The following SMTN variants were observed in gnomAD, a reference collection of about 807,000 sequenced individuals.
The protein encoded by SMTN is smoothelin.
SMTN carries 58 observed loss-of-function variants against 102.0 expected under a neutral mutation model. The ratio of observed to expected loss-of-function variants is 0.57; its 90% CI spans 0.46 to 0.71. The LOEUF is 0.71. Ranked by LOEUF, SMTN falls within the 30% of genes least tolerant of loss-of-function variation. SMTN has a pLI of 0.00. For missense variants in SMTN, 1,185 were observed against 1,241.7 expected, an observed-to-expected ratio of 0.95 and a Z score of 0.69; for synonymous variants, 478 against 497.9, an observed-to-expected ratio of 0.96 and a Z score of 0.53.
intron 1 of SMTN, chr22:31,064,382 G>A (rs755749227): frequency 1.3e-5 from 2 of 152,182 alleles, no homozygotes; most frequent in African/African-American, 4.8e-5. Context: ...CATCTGGAAC[G>A]TACAGAGATT....
chr22:31,091,648 C>T (rs1196137062), intron 10 of SMTN, 27 bp from the exon 11 acceptor site: 2 of 1,563,052 alleles, frequency 1.3e-6, no homozygotes, highest in African/African-American at 2.7e-5. Context: ...CCTGATCCTC[C>T]TGACAGCCAC....
At position 31,104,328 on chromosome 22, in the gene SMTN, C is replaced by T; in HGVS notation, c.*33C>T. 1 of 1,614,188 alleles carries T rather than the reference C, an allele frequency of 6.2e-7. No individual in the cohort carries two copies. The highest frequency in any genetic ancestry group is 2.2e-5 in the East Asian group (1 of 44,880). On this transcript the variant is annotated 3_prime_UTR_variant, in exon 21 of 21. Transcript: ENST00000333137. ...CCCCTCCCTGCAGGATGCTGGTGGA[C>T]TGTGTGCCCCTGGTGGAGGTGGACG...
upstream of SMTN, among the ~76,000 whole-genome samples, chr22:31,079,853 T>TC (rs549562071): frequency 4.0e-4 from 61 of 152,178 alleles, no homozygotes; most frequent in Non-Finnish European, 7.8e-4. Context: ...AACCTCTGCC[T>TC]CCAGGTTCAA....
At position 31,092,578 on chromosome 22, in the gene SMTN, G is replaced by A. The variant is rs1218800858; in HGVS notation, c.1632+731G>A. The stretch of plus-strand genomic sequence containing the variant: ...AGGGACTGAATGGGACTTTGGCTGA[G>A]GTGAGATGGCTAGACCAGCTTTGGG... On this transcript the variant is annotated intron_variant, in intron 11 of 20. Coordinates refer to ENST00000333137, the MANE Select transcript of SMTN (RefSeq NM_134269.3). The A allele has an allele frequency of 1.3e-5, 6 of 470,116 alleles. No individual in the cohort carries two copies. In the East Asian group the frequency reaches 4.2e-4, roughly 33 times the overall value. 29.1% of individuals were successfully genotyped at this position (470,116 alleles called of 1,614,324 possible).
At chr22:31,084,701 C>T (rs1457687982) in intron 2 of SMTN, among the ~76,000 whole-genome samples, 1 of 152,264 alleles carries the variant, frequency 6.6e-6, no homozygotes, top group Non-Finnish European at 1.5e-5. Context: ...CTCTCTTAAG[C>T]GAGGCTCGGG....
intron 19 of SMTN, among the ~76,000 whole-genome samples, chr22:31,100,226 T>C (rs897406288): frequency 1.1e-4 from 17 of 151,902 alleles, no homozygotes; most frequent in African/African-American, 3.1e-4. Context: ...CCTCCCACTA[T>C]CACCAGAGCT....
chr22:31,088,009 A>G lies in SMTN; in HGVS notation c.96A>G (p.Ser32=), dbSNP rs996761308. Reference sequence around the variant, plus strand: ...TGGCAGAGCGGCGGCGCATCCGCTCAGCCATCCGGGAACTGCAGCGGCAGG... The same window carrying G: ...TGGCAGAGCGGCGGCGCATCCGCTCGGCCATCCGGGAACTGCAGCGGCAGG... ...ADLAERRRIR[S]AIRELQRQEL... Residue 32 remains serine, a synonymous_variant, in exon 3 of 21, where the codon TCA becomes TCG. Coordinates refer to ENST00000333137, the MANE Select transcript of SMTN (RefSeq NM_134269.3). 1 of 1,610,286 alleles carries G rather than the reference A, an allele frequency of 6.2e-7. No individual in the cohort carries two copies. Among genetic ancestry groups the G allele is most frequent in the Non-Finnish European group, 8.5e-7 (1 of 1,177,458 alleles).
chr22:31,079,963 G>C (rs376397861), upstream of SMTN, among the ~76,000 whole-genome samples: 3 of 152,092 alleles, frequency 2.0e-5, no homozygotes, highest in Non-Finnish European at 4.4e-5. Context: ...GGTTTTTGCC[G>C]TGTTGGCCAG....
At chr22:31,090,935 G>A in intron 9 of SMTN, 26 bp from the exon 10 acceptor site, 2 of 1,612,532 alleles carry the variant, frequency 1.2e-6, no homozygotes, top group Non-Finnish European at 1.7e-6. Flanking sequence ...CCACCCAGTT[G>A]CTGACAGCCC....
intron 2 of SMTN, among the ~76,000 whole-genome samples, chr22:31,085,737 CA>C (rs1227468901): frequency 6.6e-6 from 1 of 152,228 alleles, no homozygotes; most frequent in Non-Finnish European, 1.5e-5. Context: ...CACTGTGGTC[CA>C]ACCTTTGCCT....
intron 11 of SMTN, among the ~76,000 whole-genome samples, chr22:31,094,473 A>G (rs1259170382): frequency 6.6e-6 from 1 of 152,222 alleles, no homozygotes; most frequent in African/African-American, 2.4e-5. Context: ...GCACTGGCCC[A>G]GGAGGACCTA....
chr22:31,069,166 A>T (rs1192886074), intron 1 of SMTN, among the ~76,000 whole-genome samples: 1 of 152,124 alleles, frequency 6.6e-6, no homozygotes, highest in East Asian at 1.9e-4. Context: ...CCCGCTCCAG[A>T]AGGAGGGGTT....
rs2043008130 is a variant in SMTN, at chr22:31,090,136, C to T, written c.821C>T (p.Ala274Val). Residue 274 changes from alanine to valine, a missense_variant, in exon 8 of 21, where the codon GCT becomes GTT. Ala to Val is a moderately conservative substitution (Grantham distance 64). Coordinates refer to ENST00000333137, the MANE Select transcript of SMTN (RefSeq NM_134269.3). ...CTGTCTGGCCCCAAAGAGACCCCTG[C>T]TGCCCAGAGCCCCACCAGAGGCCCC... ...KLLSGPKETPAAQSPTRGPSD... is the reference protein window; with the variant it reads ...KLLSGPKETPVAQSPTRGPSD... The T allele has an allele frequency of 6.2e-7, 1 of 1,612,810 alleles. No homozygotes were observed. The highest frequency in any genetic ancestry group is 2.2e-5 in the East Asian group (1 of 44,880).
At chr22:31,069,466 A>T (rs1404051935) in intron 1 of SMTN, among the ~76,000 whole-genome samples, 24 of 152,328 alleles carry the variant, frequency 1.6e-4, no homozygotes, top group Non-Finnish European at 3.4e-4. Flanking sequence ...CAGATTTTTT[A>T]AAATGTTAGA....
intron 1 of SMTN, among the ~76,000 whole-genome samples, chr22:31,068,941 T>G (rs955090829): frequency 6.6e-6 from 1 of 152,072 alleles, no homozygotes; most frequent in Admixed American, 6.6e-5. Context: ...AAGATGTGGT[T>G]GAAGAGCACA....
At chr22:31,074,768 G>A (rs1177874391) in intron 1 of SMTN, among the ~76,000 whole-genome samples, 2 of 152,134 alleles carry the variant, frequency 1.3e-5, no homozygotes, top group Non-Finnish European at 2.9e-5. Context: ...TTGCACTCCA[G>A]CCTGGGTGAC....
At chr22:31,090,590 G>T (rs2043050475) in intron 8 of SMTN, among the ~76,000 whole-genome samples, 2 of 152,072 alleles carry the variant, frequency 1.3e-5, no homozygotes, top group South Asian at 2.1e-4. Context: ...GGTCAGTGTG[G>T]CAGGAGAAGG....
rs528817751 is a variant in SMTN, at chr22:31,071,268, G to A, written c.-386+7081G>A. On this transcript the variant is annotated intron_variant, in intron 1 of 3. Transcript: ENST00000422839. ...AAAAAAAAAAAAAGCAATAATGGAG[G>A]CATTTCAGGCATGTGTCAGCAGCCA... is the stretch of plus-strand genomic sequence containing the variant. 2.7e-5 allele frequency among the ~76,000 whole-genome samples: 4 copies of A among 150,634 alleles called. No individual in the cohort carries two copies. The South Asian group carries it at 8.4e-4, about 32-fold the overall frequency.
At chr22:31,087,736 C>G in intron 2 of SMTN, 2 of 413,166 alleles carry the variant, frequency 4.8e-6, no homozygotes, top group East Asian at 3.6e-5. Context: ...TGTCCACTCA[C>G]AGTTGTGTGC....
Sources: gnomAD v4.1 joint callset for allele counts (sites outside exome capture counted in the v4.1 genomes callset) on GRCh38, gnomAD v4.1.1 for gene constraint, MANE v1.5 for transcripts, NCBI Gene and HGNC (gene_info 2026-07-23, HGNC 2026-07-21) for gene names.